SERGEF: variants seen among roughly 807,000 people sequenced by gnomAD.
SERGEF encodes the protein secretion regulating guanine nucleotide exchange factor, also known as secretion-regulating guanine nucleotide exchange factor.
A neutral mutation model predicts 50.0 loss-of-function variants in SERGEF; 51 were observed. The ratio of observed to expected loss-of-function variants is 1.02; its 90% confidence interval spans 0.81 to 1.29. The LOEUF (loss-of-function observed/expected upper bound fraction) is 1.29. SERGEF is among the 50% of genes most tolerant of loss of function. The probability of loss-of-function intolerance (pLI) is 0.00; values close to 1 mark genes in which losing one functional copy is unlikely to be tolerated. For synonymous variants in SERGEF, 205 were observed against 212.4 expected, an observed-to-expected ratio of 0.97 and a Z score of 0.30; for missense variants, 521 against 557.0, an observed-to-expected ratio of 0.94 and a Z score of 0.65.
chr11:17,849,775 G>A (rs770127985), intron 10 of SERGEF, among the ~76,000 whole-genome samples: 3 of 152,222 alleles, frequency 2.0e-5, no homozygotes, highest in Non-Finnish European at 2.9e-5. Flanking sequence ...GGACCTGAGA[G>A]ATTAATTTAT....
chr11:17,924,776 G>A (rs1852219574), intron 9 of SERGEF, among the ~76,000 whole-genome samples: 1 of 152,110 alleles, frequency 6.6e-6, no homozygotes, highest in South Asian at 2.1e-4. Context: ...CTGGCCCTTG[G>A]CATTCCCCAA....
intron 6 of SERGEF, among the ~76,000 whole-genome samples, chr11:17,994,155 G>A (rs897220548): frequency 1.3e-5 from 2 of 152,174 alleles, no homozygotes; most frequent in Non-Finnish European, 1.5e-5. Flanking sequence ...ATCCATGCAT[G>A]TGAAGTTAAT....
chr11:17,902,297 A>G (rs974777562), intron 9 of SERGEF, among the ~76,000 whole-genome samples: 1 of 152,186 alleles, frequency 6.6e-6, no homozygotes, highest in Admixed American at 6.5e-5. Context: ...TTGGGAGTCT[A>G]TCACTCTGCA....
intron 10 of SERGEF, among the ~76,000 whole-genome samples, chr11:17,811,040 G>C (rs1214893454): frequency 6.6e-6 from 1 of 152,192 alleles, no homozygotes; most frequent in Non-Finnish European, 1.5e-5. Flanking sequence ...TCAGCCTCCA[G>C]CCTAGGGACA....
Position 18,006,639 on chromosome 11 carries a change from G to C in SERGEF, c.304C>G (p.Pro102Ala). The change falls in exon 3 of 11, where the codon CCC (proline) becomes GCC (alanine). Residue 102 changes from proline (P) to alanine (A), a missense_variant. Physicochemically the swap from Pro to Ala is conservative, Grantham distance 27 (BLOSUM62 -1). Coordinates refer to ENST00000265965, the MANE Select transcript of SERGEF (RefSeq NM_012139.4). ...FTPCKSLFGC[P>A]IQQVACGWDF... ...CAGCCACAGGCCACCTGTTGGATGG[G>C]ACAGCCAAAGAGGGATTTGCAGGGG... 1.2e-6 allele frequency: 2 copies of C among 1,614,146 alleles called. No homozygotes were observed. The highest frequency in any genetic ancestry group is 1.7e-6 in the Non-Finnish European group (2 of 1,180,018).
intron 9 of SERGEF, among the ~76,000 whole-genome samples, chr11:17,891,101 T>C (rs1030076694): frequency 2.0e-5 from 3 of 152,166 alleles, no homozygotes; most frequent in African/African-American, 7.2e-5. Context: ...GACTGAAGGT[T>C]TGCTTACTAA....
At chr11:17,906,067 C>G (rs554841573) in intron 9 of SERGEF, among the ~76,000 whole-genome samples, 1 of 152,264 alleles carries the variant, frequency 6.6e-6, no homozygotes, top group South Asian at 2.1e-4. Context: ...GAAGCTTCCC[C>G]TGACCCTTCT....
At chr11:17,890,221 C>T (rs2133909790) in intron 9 of SERGEF, among the ~76,000 whole-genome samples, 1 of 152,150 alleles carries the variant, frequency 6.6e-6, no homozygotes, top group Middle Eastern at 3.4e-3. Context: ...GTCAGCAGGA[C>T]TGTGATGCAA....
At chr11:17,857,462 C>T (rs886330496) in intron 10 of SERGEF, among the ~76,000 whole-genome samples, 7 of 152,326 alleles carry the variant, frequency 4.6e-5, no homozygotes, top group Non-Finnish European at 7.4e-5. Context: ...TGGCTACCCT[C>T]GCCATTTGGC....
chr11:17,957,086 T>A (rs544439395), intron 9 of SERGEF, among the ~76,000 whole-genome samples: 2 of 152,196 alleles, frequency 1.3e-5, no homozygotes, highest in South Asian at 4.2e-4. Flanking sequence ...GCGTCTACAC[T>A]CCAGCACCCC....
chr11:17,908,899 A>G (rs1481134186), intron 9 of SERGEF, among the ~76,000 whole-genome samples: 4 of 152,244 alleles, frequency 2.6e-5, no homozygotes, highest in Admixed American at 1.3e-4. Context: ...CAGCATGAGA[A>G]GCCACAGAAG....
chr11:17,919,554 A>G (rs1852115176), intron 9 of SERGEF, among the ~76,000 whole-genome samples: 1 of 152,194 alleles, frequency 6.6e-6, no homozygotes, highest in African/African-American at 2.4e-5. Flanking sequence ...AAACCATTTG[A>G]AAAATGGGTA....
intron 9 of SERGEF, among the ~76,000 whole-genome samples, chr11:17,946,600 G>C (rs539994767): frequency 1.9e-4 from 29 of 152,260 alleles, no homozygotes; most frequent in African/African-American, 7.0e-4. Flanking sequence ...AATGATAAAT[G>C]CATTATACAG....
At chr11:17,980,442 A>C (rs1853474528) in intron 8 of SERGEF, among the ~76,000 whole-genome samples, 1 of 152,188 alleles carries the variant, frequency 6.6e-6, no homozygotes, top group Admixed American at 6.5e-5. Flanking sequence ...TCTTGCACTG[A>C]GGGGTAAGTG....
At chr11:17,983,668 C>A (rs112653690) in intron 8 of SERGEF, among the ~76,000 whole-genome samples, 1 of 150,260 alleles carries the variant, frequency 6.7e-6, no homozygotes, top group African/African-American at 2.5e-5. Context: ...GGCTTACAGT[C>A]TAGTGGGAAA....
intron 10 of SERGEF, among the ~76,000 whole-genome samples, chr11:17,815,416 T>C (rs1260979509): frequency 8.3e-6 from 1 of 121,096 alleles, no homozygotes; most frequent in Non-Finnish European, 1.7e-5. Context: ...CTGGTAAACA[T>C]CGTGAAACCC....
chr11:17,898,582 T>C (rs1157626024), intron 9 of SERGEF, among the ~76,000 whole-genome samples: 1 of 152,202 alleles, frequency 6.6e-6, no homozygotes, highest in African/African-American at 2.4e-5. Context: ...GAATATCTAA[T>C]GGCCCAGAGA....
Position 17,959,552 on chromosome 11 carries a change from T to C in SERGEF, c.929A>G (p.Glu310Gly), listed in dbSNP as rs762895219. Residue 310 changes from glutamate to glycine, a missense_variant, in exon 9 of 11, where the codon GAA becomes GGA. Physicochemically the swap from Glu to Gly is moderately conservative, Grantham distance 98. Coordinates refer to ENST00000265965, the MANE Select transcript of SERGEF (RefSeq NM_012139.4). ...ACAGGGGAGAAATGAATCTTGCTTT[T>C]CTAGTTTCCAGCCTTCATAAGTCTC... ...KLETYEGWKL[E>G]KQDSFLPCSR... 1 of 1,614,046 alleles carries C rather than the reference T, an allele frequency of 6.2e-7. No individual in the cohort carries two copies. Among genetic ancestry groups the C allele is most frequent in the Non-Finnish European group, 8.5e-7 (1 of 1,180,004 alleles).
Position 18,000,780 on chromosome 11 carries a change from C to T in SERGEF, c.448-223G>A, listed in dbSNP as rs1853944613. ...ATATCACAATACCATATGACAACAACTCTCAGGGCTGGGAGGCACTTCTAA... is the reference window on the plus strand; with the variant it reads ...ATATCACAATACCATATGACAACAATTCTCAGGGCTGGGAGGCACTTCTAA... On this transcript the variant is annotated intron_variant, in intron 4 of 10. Coordinates refer to ENST00000265965, the MANE Select transcript of SERGEF (RefSeq NM_012139.4). The T allele has an allele frequency of 4.5e-6, 3 of 669,512 alleles. No homozygotes were observed. In the East Asian group the frequency reaches 8.9e-5, roughly 20 times the overall value. The allele number at this position is 669,512 out of a possible 1,614,324, so 41.5% of individuals were successfully genotyped here. A position where few individuals can be genotyped will look rare whatever the true frequency, so the allele number is the denominator to read the frequency against.
Sources: gnomAD v4.1 joint callset for allele counts (sites outside exome capture counted in the v4.1 genomes callset) on GRCh38, gnomAD v4.1.1 for gene constraint, MANE v1.5 for transcripts, NCBI Gene and HGNC (gene_info 2026-07-23, HGNC 2026-07-21) for gene names.